Variants in FREM2 observed in about 807,000 individuals in gnomAD.
The protein encoded by FREM2 is FRAS1 related extracellular matrix 2.
In FREM2, 119 loss-of-function variants were observed where a neutral mutation model predicts 219.9. That is an observed-to-expected ratio of 0.54 (90% CI 0.47 to 0.63). The LOEUF (loss-of-function observed/expected upper bound fraction) is 0.63, where lower values mean the gene tolerates loss of function less well. Ranked by LOEUF, FREM2 falls within the 30% of genes least tolerant of loss-of-function variation. The pLI, the probability that FREM2 is intolerant of heterozygous loss-of-function variation, is 0.00. For missense variants in FREM2, 4,030 were observed against 3,993.6 expected, an observed-to-expected ratio of 1.01 and a Z score of -0.25; for synonymous variants, 1,562 against 1,522.8, an observed-to-expected ratio of 1.03 and a Z score of -0.60.
intron 2 of FREM2, among the ~76,000 whole-genome samples, chr13:38,740,999 G>A (rs1051694492): frequency 6.6e-6 from 1 of 152,144 alleles, no homozygotes; most frequent in Admixed American, 6.6e-5. Context: ...ACACACAAAC[G>A]TCCATAGTAA....
intron 8 of FREM2, 44 bp downstream of exon 8, chr13:38,848,714 C>A: frequency 6.8e-7 from 1 of 1,471,432 alleles, no homozygotes. Context: ...TAATTGAAAT[C>A]ATAAGCTAAG....
rs1268265893 is a variant in FREM2 at position 38,687,481 on chromosome 13, C to T, written c.137C>T (p.Ala46Val). ...LLLSLVSRVP[A>V]QPAAFGRALL... ...CTGTCACTGGTAAGCCGCGTCCCGG[C>T]ACAGCCCGCTGCCTTCGGCAGGGCG... Residue 46 changes from alanine to valine, a missense_variant, in exon 1 of 24, where the codon GCA becomes GTA. Coordinates refer to ENST00000280481, the MANE Select transcript of FREM2 (RefSeq NM_207361.6). 1 of 1,592,266 alleles carries T rather than the reference C, an allele frequency of 6.3e-7. No homozygotes were observed. The highest frequency in any genetic ancestry group is 8.5e-7 in the Non-Finnish European group (1 of 1,170,146).
Position 38,859,494 on chromosome 13 carries a change from G to T in FREM2, c.7423G>T (p.Gly2475Cys). Residue 2475 changes from glycine (G) to cysteine (C), a missense_variant, in exon 14 of 24, where the codon GGC becomes TGC. Transcript: ENST00000280481. ...ACTGGACTCCATATACTTTCAGCCT[G>T]GCTCCCGGGTACAGTGCGCAGCTCG... ...VTLDSIYFQP[G>C]SRVQCAARAV... The T allele has an allele frequency of 6.2e-7, 1 of 1,614,062 alleles. No homozygotes were observed. The highest frequency in any genetic ancestry group is 8.5e-7 in the Non-Finnish European group (1 of 1,180,008).
chr13:38,846,823 G>A, intron 7 of FREM2, 101 bp downstream of exon 7: 7 of 1,309,092 alleles, frequency 5.3e-6, no homozygotes, highest in Non-Finnish European at 7.7e-6. Flanking sequence ...TATTAAAGCA[G>A]TTGGCTGGGT....
At chr13:38,763,029 T>C (rs1275179740) in intron 2 of FREM2, among the ~76,000 whole-genome samples, 1 of 152,204 alleles carries the variant, frequency 6.6e-6, no homozygotes, top group African/African-American at 2.4e-5. Flanking sequence ...TCCTTACAAA[T>C]ATATTTCTGC....
chr13:38,748,576 C>T (rs2137790347), intron 2 of FREM2, among the ~76,000 whole-genome samples: 1 of 152,248 alleles, frequency 6.6e-6, no homozygotes, highest in Admixed American at 6.5e-5. Flanking sequence ...AGGTTCCCTG[C>T]TGAAATGAGA....
At chr13:38,851,991 G>A (rs1297726245) in intron 11 of FREM2, 123 bp downstream of exon 11, 24 of 867,742 alleles carry the variant, frequency 2.8e-5, no homozygotes, top group Non-Finnish European at 4.6e-5. Flanking sequence ...TCTTTTTTAG[G>A]GGGTATAATT....
chr13:38,839,413 T>C (rs1876853178), intron 6 of FREM2, among the ~76,000 whole-genome samples: 1 of 152,138 alleles, frequency 6.6e-6, no homozygotes, highest in Admixed American at 6.5e-5. Flanking sequence ...TGCTAGGAGG[T>C]ATCTCCCCAT....
chr13:38,778,451 C>G (rs1873965807), intron 4 of FREM2, among the ~76,000 whole-genome samples: 1 of 152,162 alleles, frequency 6.6e-6, no homozygotes, highest in African/African-American at 2.4e-5. Flanking sequence ...ACACTAATCC[C>G]ATCCTGAGGG....
chr13:38,731,124 A>G (rs1593371515), intron 2 of FREM2, among the ~76,000 whole-genome samples: 1 of 152,206 alleles, frequency 6.6e-6, no homozygotes, highest in South Asian at 2.1e-4. Flanking sequence ...GTACCTGAAC[A>G]TGCTCCCATA....
chr13:38,756,486 G>GGA (rs1343812132), intron 2 of FREM2, among the ~76,000 whole-genome samples: 1 of 150,628 alleles, frequency 6.6e-6, no homozygotes, highest in African/African-American at 2.4e-5. Flanking sequence ...CTTGTTCTTA[G>GGA]GAACGCCAGA....
intron 2 of FREM2, among the ~76,000 whole-genome samples, chr13:38,760,094 T>A (rs1439904229): frequency 6.6e-6 from 1 of 152,170 alleles, no homozygotes; most frequent in Non-Finnish European, 1.5e-5. Flanking sequence ...AGTATTTAAT[T>A]CCATTCAGAT....
At chr13:38,703,353 CA>C (rs1870414474) in intron 2 of FREM2, among the ~76,000 whole-genome samples, 1 of 152,116 alleles carries the variant, frequency 6.6e-6, no homozygotes, top group South Asian at 2.1e-4. Context: ...ACATGAGAAC[CA>C]GGGGGAAAGA....
chr13:38,790,107 T>A (rs1874499241), intron 6 of FREM2, among the ~76,000 whole-genome samples: 1 of 152,140 alleles, frequency 6.6e-6, no homozygotes. Flanking sequence ...TGCCAAATAA[T>A]GTGAATTAGG....
intron 2 of FREM2, among the ~76,000 whole-genome samples, chr13:38,747,653 A>G (rs1421684315): frequency 6.6e-6 from 1 of 152,154 alleles, no homozygotes; most frequent in African/African-American, 2.4e-5. Flanking sequence ...TTATTACCAT[A>G]ATCAGTTGAG....
rs1467128934 is a variant in FREM2 at position 38,878,984 on chromosome 13, C to A, written c.9006+7C>A. On this transcript the variant is annotated splice_region_variant and intron_variant, in intron 23 of 23. Transcript: ENST00000280481. ...CTCAACACCACTCTTTCAGGTAGGC[C>A]AAAAACAAGCTCATTTGTAGTAGTT... The A allele has an allele frequency of 6.2e-7, 1 of 1,613,834 alleles. No individual in the cohort carries two copies. The highest frequency in any genetic ancestry group is 1.1e-5 in the South Asian group (1 of 91,074).
At chr13:38,697,032 T>C (rs1238532973) in intron 1 of FREM2, among the ~76,000 whole-genome samples, 3 of 152,102 alleles carry the variant, frequency 2.0e-5, no homozygotes, top group Admixed American at 6.5e-5. Flanking sequence ...ACTCCTGACC[T>C]CACATAATCC....
At chr13:38,770,954 G>A (rs1021384151) in intron 4 of FREM2, among the ~76,000 whole-genome samples, 2 of 152,180 alleles carry the variant, frequency 1.3e-5, no homozygotes, top group African/African-American at 4.8e-5. Context: ...CTAGGATCCT[G>A]TCAGAAGCCA....
intron 2 of FREM2, among the ~76,000 whole-genome samples, chr13:38,728,675 G>A (rs1871633811): frequency 7.5e-6 from 1 of 134,016 alleles, no homozygotes; most frequent in South Asian, 2.7e-4. Context: ...ACCTCCCAAA[G>A]TGCTAGGATT....
Sources: allele counts gnomAD v4.1 joint callset (sites outside exome capture counted in the v4.1 genomes callset), GRCh38; gene constraint gnomAD v4.1.1; transcripts MANE v1.5; gene names NCBI Gene and HGNC (gene_info 2026-07-23, HGNC 2026-07-21).